Variants in CXCL13 observed in about 807,000 individuals in gnomAD.
CXCL13 encodes C-X-C motif chemokine ligand 13.
Under a neutral mutation model 12.2 loss-of-function variants are expected in CXCL13, and 7 were observed. The ratio of observed to expected loss-of-function variants is 0.57; its 90% CI spans 0.33 to 1.07. CXCL13 has a LOEUF of 1.07. Among genes scored for constraint, CXCL13 ranks in the 50% least tolerant of loss-of-function variants. The probability of loss-of-function intolerance (pLI) is 0.04; values close to 1 mark genes in which losing one functional copy is unlikely to be tolerated. For missense variants in CXCL13, 113 were observed against 127.4 expected, an observed-to-expected ratio of 0.89 and a Z score of 0.55; for synonymous variants, 47 against 42.4, an observed-to-expected ratio of 1.11 and a Z score of -0.42.
At chr4:77,600,350 G>A (rs1036131272) in intron 1 of CXCL13, among the ~76,000 whole-genome samples, 1 of 152,064 alleles carries the variant, frequency 6.6e-6, no homozygotes, top group African/African-American at 2.4e-5. Context: ...GGGCACCTGA[G>A]GTTTGCAGAT....
At chr4:77,588,989 C>T (rs1033788279) in intron 1 of CXCL13, among the ~76,000 whole-genome samples, 6 of 152,204 alleles carry the variant, frequency 3.9e-5, no homozygotes, top group African/African-American at 1.4e-4. Context: ...TTCACTCTGT[C>T]TAGATTTCTA....
intron 1 of CXCL13, among the ~76,000 whole-genome samples, chr4:77,553,621 C>A (rs1430722932): frequency 6.6e-6 from 1 of 152,176 alleles, no homozygotes; most frequent in African/African-American, 2.4e-5. Context: ...TCACTTTAAT[C>A]AGCCCCATGT....
At chr4:77,529,054 G>T (rs1292274065) in intron 1 of CXCL13, among the ~76,000 whole-genome samples, 1 of 152,048 alleles carries the variant, frequency 6.6e-6, no homozygotes, top group African/African-American at 2.4e-5. Context: ...CTCATTTCTT[G>T]TTTTTGTCAG....
intron 1 of CXCL13, among the ~76,000 whole-genome samples, chr4:77,598,974 A>G (rs1190957402): frequency 1.3e-5 from 2 of 152,078 alleles, no homozygotes; most frequent in African/African-American, 4.8e-5. Flanking sequence ...ATGCCCGACT[A>G]ATTTTTGTAT....
chr4:77,533,342 A>C (rs1724978807), intron 1 of CXCL13, among the ~76,000 whole-genome samples: 1 of 152,214 alleles, frequency 6.6e-6, no homozygotes, highest in South Asian at 2.1e-4. Flanking sequence ...GAGGCTGCAC[A>C]ACAGCAGATA....
chr4:77,584,903 A>G (rs1014314812), intron 1 of CXCL13, among the ~76,000 whole-genome samples: 2 of 152,232 alleles, frequency 1.3e-5, no homozygotes, highest in African/African-American at 4.8e-5. Flanking sequence ...ATAAGATTCA[A>G]TTACCCCAAC....
upstream of CXCL13, among the ~76,000 whole-genome samples, chr4:77,601,836 G>A (rs1189475109): frequency 6.6e-6 from 1 of 152,178 alleles, no homozygotes; most frequent in Non-Finnish European, 1.5e-5. Flanking sequence ...CTGGTGGCCT[G>A]GGGAAGTTAA....
At chr4:77,539,570 C>T (rs1725151124) in intron 1 of CXCL13, among the ~76,000 whole-genome samples, 1 of 152,230 alleles carries the variant, frequency 6.6e-6, no homozygotes, top group African/African-American at 2.4e-5. Flanking sequence ...AGTGTGTTTA[C>T]TGGAGTTGTA....
At chr4:77,556,276 A>G (rs898628757) in intron 1 of CXCL13, among the ~76,000 whole-genome samples, 3 of 152,246 alleles carry the variant, frequency 2.0e-5, no homozygotes, top group African/African-American at 7.2e-5. Flanking sequence ...ATAATAAAAG[A>G]CAACAGACTA....
At chr4:77,549,314 A>T (rs1383408340) in intron 1 of CXCL13, among the ~76,000 whole-genome samples, 2 of 152,066 alleles carry the variant, frequency 1.3e-5, no homozygotes, top group Non-Finnish European at 2.9e-5. Context: ...GTTTATTACC[A>T]ATCTTCTGAA....
chr4:77,570,954 G>A (rs372026939), intron 1 of CXCL13, among the ~76,000 whole-genome samples: 26 of 152,034 alleles, frequency 1.7e-4, no homozygotes, highest in South Asian at 8.3e-4. Context: ...CTCTGCCTCC[G>A]TGGGTTCCTG....
At chr4:77,590,208 T>C (rs1419865924) in intron 1 of CXCL13, among the ~76,000 whole-genome samples, 5 of 152,156 alleles carry the variant, frequency 3.3e-5, no homozygotes, top group South Asian at 4.1e-4. Flanking sequence ...GCTAACCACC[T>C]ACCACACATG....
intron 1 of CXCL13, among the ~76,000 whole-genome samples, chr4:77,541,957 T>G (rs189389453): frequency 1.1e-4 from 16 of 150,732 alleles, no homozygotes; most frequent in Admixed American, 2.0e-4. Flanking sequence ...CCTAGGTGGG[T>G]TTTTTTGTGG....
At chr4:77,514,905 G>A (rs1345768390) in intron 1 of CXCL13, among the ~76,000 whole-genome samples, 1 of 152,206 alleles carries the variant, frequency 6.6e-6, no homozygotes, top group Non-Finnish European at 1.5e-5. Flanking sequence ...GAATGGTAAT[G>A]TCTAGGTTTT....
intron 1 of CXCL13, among the ~76,000 whole-genome samples, chr4:77,528,442 G>A (rs1343387139): frequency 6.6e-6 from 1 of 152,144 alleles, no homozygotes; most frequent in Admixed American, 6.6e-5. Flanking sequence ...AGCACCTGTT[G>A]TTTCCTGACT....
At chr4:77,526,839 C>G (rs957002355) in intron 1 of CXCL13, among the ~76,000 whole-genome samples, 1 of 152,124 alleles carries the variant, frequency 6.6e-6, no homozygotes, top group Non-Finnish European at 1.5e-5. Flanking sequence ...AGCTGAGACC[C>G]AAAGCCAAGA....
intron 1 of CXCL13, among the ~76,000 whole-genome samples, chr4:77,557,244 T>TGAAAA (rs980445069): frequency 2.0e-5 from 3 of 152,238 alleles, no homozygotes; most frequent in African/African-American, 7.2e-5. Flanking sequence ...TTCAGGTCTC[T>TGAAAA]AAGTACCAAT....
intron 1 of CXCL13, among the ~76,000 whole-genome samples, chr4:77,590,211 C>CTG (rs1726573580): frequency 6.6e-6 from 1 of 152,048 alleles, no homozygotes; most frequent in South Asian, 2.1e-4. Context: ...AACCACCTAC[C>CTG]ACACATGTCA....
At chr4:77,599,273 G>A (rs772771838) in intron 1 of CXCL13, among the ~76,000 whole-genome samples, 6 of 152,176 alleles carry the variant, frequency 3.9e-5, no homozygotes, top group Non-Finnish European at 7.3e-5. Flanking sequence ...AGATGCTCAA[G>A]TCTCTGATAT....
Sources: gnomAD v4.1 joint callset for allele counts (sites outside exome capture counted in the v4.1 genomes callset) on GRCh38, gnomAD v4.1.1 for gene constraint, MANE v1.5 for transcripts, NCBI Gene and HGNC (gene_info 2026-07-23, HGNC 2026-07-21) for gene names.